ADAMTSL3: variants seen among roughly 807,000 people sequenced by gnomAD.
ADAMTSL3 encodes the protein ADAMTS like 3, also known as ADAMTS-like protein 3.
A neutral mutation model predicts 201.7 loss-of-function variants in ADAMTSL3; 128 were observed. That is an observed-to-expected ratio of 0.63 (90% CI 0.55 to 0.73). The LOEUF is 0.73. ADAMTSL3 is among the 30% of genes least tolerant of loss of function. The pLI is 0.00. For missense variants in ADAMTSL3, 1,990 were observed against 2,119.6 expected, an observed-to-expected ratio of 0.94 and a Z score of 1.20; for synonymous variants, 738 against 748.4, an observed-to-expected ratio of 0.99 and a Z score of 0.23.
chr15:83,863,301 A>T (rs2064905570), intron 8 of ADAMTSL3, among the ~76,000 whole-genome samples: 1 of 152,206 alleles, frequency 6.6e-6, no homozygotes, highest in Admixed American at 6.5e-5. Flanking sequence ...CTCCACCCCA[A>T]ATCAACAGAA....
intron 3 of ADAMTSL3, among the ~76,000 whole-genome samples, chr15:83,747,619 T>A (rs997806173): frequency 1.3e-5 from 2 of 152,150 alleles, no homozygotes; most frequent in African/African-American, 2.4e-5. Context: ...CGAGAGGATT[T>A]ATCTTTCCTT....
intron 6 of ADAMTSL3, among the ~76,000 whole-genome samples, chr15:83,823,124 G>A (rs1033764873): frequency 2.0e-5 from 3 of 150,052 alleles, no homozygotes; most frequent in African/African-American, 7.4e-5. Flanking sequence ...CAGGGAGGTT[G>A]CAGTGAGCCG....
intron 5 of ADAMTSL3, among the ~76,000 whole-genome samples, chr15:83,806,839 C>A (rs910628902): frequency 6.6e-6 from 1 of 152,008 alleles, no homozygotes; most frequent in Non-Finnish European, 1.5e-5. Context: ...GGTGACAGAA[C>A]CAGATTCCAT....
intron 6 of ADAMTSL3, among the ~76,000 whole-genome samples, chr15:83,828,436 T>C (rs752458918): frequency 3.3e-5 from 5 of 152,222 alleles, no homozygotes; most frequent in Non-Finnish European, 1.5e-5. Flanking sequence ...GCTGAGACGA[T>C]GGGGTTTTCT....
At chr15:83,849,128 T>C (rs1004985073) in intron 7 of ADAMTSL3, among the ~76,000 whole-genome samples, 5 of 152,172 alleles carry the variant, frequency 3.3e-5, no homozygotes, top group Non-Finnish European at 7.3e-5. Flanking sequence ...GCCTTTTCTC[T>C]CCATCTTATA....
At chr15:83,674,200 C>A (rs1208388914) in intron 2 of ADAMTSL3, among the ~76,000 whole-genome samples, 13 of 151,232 alleles carry the variant, frequency 8.6e-5, no homozygotes, top group Admixed American at 8.6e-4. Flanking sequence ...ATGTTTTCTT[C>A]TAAATATTTT....
At chr15:83,954,743 G>T (rs1257768785) in intron 19 of ADAMTSL3, among the ~76,000 whole-genome samples, 2 of 152,190 alleles carry the variant, frequency 1.3e-5, no homozygotes, top group East Asian at 1.9e-4. Flanking sequence ...TCACTTTGGT[G>T]GTCTTGGATA....
intron 15 of ADAMTSL3, among the ~76,000 whole-genome samples, chr15:83,910,075 C>A (rs2065904889): frequency 6.6e-6 from 1 of 152,164 alleles, no homozygotes; most frequent in Non-Finnish European, 1.5e-5. Flanking sequence ...ATTTGATCTT[C>A]AGCCATGTTT....
chr15:83,728,289 G>A (rs1596100206), intron 3 of ADAMTSL3, among the ~76,000 whole-genome samples: 1 of 150,750 alleles, frequency 6.6e-6, no homozygotes, highest in Non-Finnish European at 1.5e-5. Context: ...ACATCATTGA[G>A]TCTTTTTTTT....
At position 83,865,706 on chromosome 15, in the gene ADAMTSL3, A is replaced by G. The variant is rs370237215; in HGVS notation, c.803-5096A>G. Reference sequence around the variant, plus strand: ...ACCATTCAGGACATAGGCATGGGCAAAGACTTCATGTCTAAAACACCAAAA... The same window carrying G: ...ACCATTCAGGACATAGGCATGGGCAGAGACTTCATGTCTAAAACACCAAAA... On this transcript the variant is annotated intron_variant, in intron 8 of 29. Coordinates refer to ENST00000286744, the MANE Select transcript of ADAMTSL3 (RefSeq NM_207517.3). 6.6e-5 allele frequency among the ~76,000 whole-genome samples: 10 copies of G among 152,240 alleles called. No individual in the cohort carries two copies. In the East Asian group the frequency reaches 7.7e-4, roughly 12 times the overall value.
At position 84,021,490 on chromosome 15, in the gene ADAMTSL3, T is replaced by G; in HGVS notation, c.4354T>G (p.Cys1452Gly). 6.2e-7 allele frequency: 1 copy of G among 1,614,108 alleles called. No homozygotes were observed. Reference protein sequence around the residue: ...HLGARIQRPQCVMANGQEVSE... With the variant: ...HLGARIQRPQGVMANGQEVSE... ...GGGAGCCCGCATTCAGAGACCCCAG[T>G]GTGTGATGGCCAATGGGCAGGAAGT... Residue 1452 changes from cysteine to glycine, a missense_variant, in exon 26 of 30, where the codon TGT (cysteine) becomes GGT (glycine). Physicochemically the swap from Cys to Gly is radical, Grantham distance 159 (BLOSUM62 -3). Transcript: ENST00000286744.
At chr15:83,828,488 T>C (rs1173915075) in intron 6 of ADAMTSL3, among the ~76,000 whole-genome samples, 2 of 152,214 alleles carry the variant, frequency 1.3e-5, no homozygotes, top group Non-Finnish European at 2.9e-5. Context: ...ACAATTTGAC[T>C]TCCTCTTTTC....
At position 84,021,540 on chromosome 15, in the gene ADAMTSL3, C is replaced by CCTT. The variant is rs1326586333; in HGVS notation, c.4405_4406insTTC (p.Leu1468dup). On this transcript the variant is annotated inframe_insertion, in exon 26 of 30. Coordinates refer to ENST00000286744, the MANE Select transcript of ADAMTSL3 (RefSeq NM_207517.3). Reference sequence around the variant, plus strand: ...TGAGTGAGGCCCTGTGTGATCACCTCCAGAAGCCACTGGCTGGGTTTGAGC... The same window carrying CCTT: ...TGAGTGAGGCCCTGTGTGATCACCTCCTTCAGAAGCCACTGGCTGGGTTTGAGC... The CCTT allele has an allele frequency of 6.2e-7, 1 of 1,614,022 alleles. No individual in the cohort carries two copies. Among genetic ancestry groups the CCTT allele is most frequent in the Non-Finnish European group, 8.5e-7 (1 of 1,180,020 alleles).
intron 2 of ADAMTSL3, among the ~76,000 whole-genome samples, chr15:83,680,431 C>T (rs2061462502): frequency 6.6e-6 from 1 of 150,696 alleles, no homozygotes; most frequent in Non-Finnish European, 1.5e-5. Context: ...TCCAAGATTC[C>T]TTTTTGTAAT....
intron 6 of ADAMTSL3, among the ~76,000 whole-genome samples, chr15:83,831,882 A>G (rs1018257680): frequency 1.3e-5 from 2 of 152,168 alleles, no homozygotes; most frequent in Non-Finnish European, 2.9e-5. Flanking sequence ...CTTCATGGTA[A>G]ATCCATGAAT....
intron 22 of ADAMTSL3, among the ~76,000 whole-genome samples, chr15:83,990,334 C>A (rs950828099): frequency 6.6e-6 from 1 of 152,154 alleles, no homozygotes; most frequent in African/African-American, 2.4e-5. Flanking sequence ...GCTGTGGCAC[C>A]ATATTCAGAA....
intron 16 of ADAMTSL3, among the ~76,000 whole-genome samples, chr15:83,917,922 A>C (rs2066068933): frequency 6.6e-6 from 1 of 152,222 alleles, no homozygotes; most frequent in Non-Finnish European, 1.5e-5. Flanking sequence ...CTGTATTAAT[A>C]AATGTTAGTG....
At chr15:84,009,701 G>C (rs1318523780) in intron 23 of ADAMTSL3, among the ~76,000 whole-genome samples, 3 of 152,202 alleles carry the variant, frequency 2.0e-5, no homozygotes, top group Non-Finnish European at 4.4e-5. Flanking sequence ...ATTTCAACTA[G>C]AGTTGGTGAA....
chr15:83,924,189 G>C (rs369624606), intron 17 of ADAMTSL3, among the ~76,000 whole-genome samples, 156 bp downstream of exon 17: 2 of 152,258 alleles, frequency 1.3e-5, no homozygotes. Context: ...GCTCCAGCCA[G>C]ATTCTTGCCT....
Sources: allele counts gnomAD v4.1 joint callset (sites outside exome capture counted in the v4.1 genomes callset), GRCh38; gene constraint gnomAD v4.1.1; transcripts MANE v1.5; gene names NCBI Gene and HGNC (gene_info 2026-07-23, HGNC 2026-07-21).